CHL1: variants seen among roughly 807,000 people sequenced by gnomAD.
CHL1 encodes neural cell adhesion molecule L1-like protein.
A neutral mutation model predicts 141.9 loss-of-function variants in CHL1; 96 were observed. That is an observed-to-expected ratio of 0.68 (90% CI 0.57 to 0.80). The LOEUF is 0.80. Among genes scored for constraint, CHL1 ranks in the 30% least tolerant of loss-of-function variants. The pLI is 0.00. For synonymous variants in CHL1, 613 were observed against 502.2 expected (o/e 1.22, Z -2.95); for missense variants, 1,820 against 1,457.2 (o/e 1.25, Z -4.05).
At position 391,404 on chromosome 3, in the gene CHL1, T is replaced by C. The variant is rs201328502; in HGVS notation, c.2791+245T>C. ...AGTAGTGCATGCCTGTAGTCCCAGCTACTCGGGAGGCTGAGGCAGGAGAAT... is the reference window on the plus strand; with the variant it reads ...AGTAGTGCATGCCTGTAGTCCCAGCCACTCGGGAGGCTGAGGCAGGAGAAT... On this transcript the variant is annotated intron_variant, in intron 22 of 27. Transcript: ENST00000256509. 2.6e-5 allele frequency among the ~76,000 whole-genome samples: 4 copies of C among 152,258 alleles called. No homozygotes were observed. The East Asian group carries it at 7.7e-4, about 29-fold the overall frequency.
At chr3:399,215 G>C in intron 26 of CHL1, 67 bp downstream of exon 26, 1 of 1,378,872 alleles carries the variant, frequency 7.3e-7, no homozygotes, top group Middle Eastern at 1.8e-4. Context: ...ATTCTTCAGA[G>C]ACAACTTTTT....
chr3:263,794 G>A (rs192342887), intron 2 of CHL1, among the ~76,000 whole-genome samples: 1 of 152,316 alleles, frequency 6.6e-6, no homozygotes, highest in Non-Finnish European at 1.5e-5. Context: ...CCTAGGGAAT[G>A]TTGAAAGAAT....
intron 2 of CHL1, among the ~76,000 whole-genome samples, chr3:255,879 C>T (rs957537416): frequency 6.6e-6 from 1 of 152,132 alleles, no homozygotes; most frequent in South Asian, 2.1e-4. Context: ...TACCCATTGT[C>T]CTGTAAGACA....
At chr3:401,247 A>C (rs79673462) in intron 26 of CHL1, among the ~76,000 whole-genome samples, 4,967 of 152,282 alleles carry the variant, frequency 0.033, 99 homozygotes, top group African/African-American at 0.061. Context: ...CACAGATCTA[A>C]TAGGTGTCTA....
At chr3:390,359 TA>T (rs1050032070) in intron 20 of CHL1, among the ~76,000 whole-genome samples, 2 of 152,218 alleles carry the variant, frequency 1.3e-5, no homozygotes, top group Non-Finnish European at 2.9e-5. Flanking sequence ...CTGTTATTAA[TA>T]TTTGATTAAC....
intron 2 of CHL1, among the ~76,000 whole-genome samples, chr3:303,119 G>A (rs1248790067): frequency 6.6e-6 from 1 of 152,138 alleles, no homozygotes; most frequent in East Asian, 1.9e-4. Context: ...TTTGGTACCA[G>A]TACCATGCTG....
intron 11 of CHL1, 72 bp downstream of exon 11, chr3:354,843 G>C: frequency 1.3e-6 from 2 of 1,560,288 alleles, no homozygotes; most frequent in Non-Finnish European, 1.7e-6. Context: ...GGTCAGACGT[G>C]TGTAAAATGA....
intron 2 of CHL1, among the ~76,000 whole-genome samples, chr3:288,364 C>CAT (rs1697362485): frequency 6.6e-6 from 1 of 151,748 alleles, no homozygotes; most frequent in Non-Finnish European, 1.5e-5. Flanking sequence ...GCATAATTTA[C>CAT]ATATATGCAT....
rs189832524 is a variant in CHL1, at chr3:248,574, G to A, written c.-95+3882G>A. 4 of 152,108 alleles carry A rather than the reference G, an allele frequency of 2.6e-5. No homozygotes were observed. The East Asian group carries it at 7.7e-4, about 29-fold the overall frequency. 9.4% of individuals were successfully genotyped at this position (152,108 alleles called of 1,614,324 possible). A position where few individuals can be genotyped will look rare whatever the true frequency, so the allele number is the denominator to read the frequency against. On this transcript the variant is annotated intron_variant, in intron 2 of 27. Transcript: ENST00000256509. Reference sequence around the variant, plus strand: ...TCATGAGACTGTCACTGCAATCAAGGTAATAAATGTATTTATTACTTCCAA... The same window carrying A: ...TCATGAGACTGTCACTGCAATCAAGATAATAAATGTATTTATTACTTCCAA...
chr3:314,732 A>G (rs1048828197), intron 2 of CHL1, among the ~76,000 whole-genome samples: 1 of 152,076 alleles, frequency 6.6e-6, no homozygotes, highest in Admixed American at 6.6e-5. Flanking sequence ...AAAATAGCTG[A>G]GCAGAGTTTT....
rs577170679 is a variant in CHL1 at position 347,166 on chromosome 3, T to C, written c.849-2193T>C. 4.1e-4 allele frequency among the ~76,000 whole-genome samples: 63 copies of C among 152,290 alleles called. 2 individuals carry two copies. In the South Asian group the frequency reaches 0.013, roughly 32 times the overall value. On this transcript the variant is annotated intron_variant, in intron 9 of 27. Coordinates refer to ENST00000256509, the MANE Select transcript of CHL1 (RefSeq NM_006614.4). The stretch of plus-strand genomic sequence containing the variant: ...ACTCATGTGCACTGCTCAAATAGTT[T>C]TTTTTTCTGTTTTGTAAATTCGTGG...
intron 1 of CHL1, among the ~76,000 whole-genome samples, chr3:204,798 AT>A (rs1201894585): frequency 7.6e-4 from 12 of 15,804 alleles, no homozygotes; most frequent in East Asian, 0.045. Flanking sequence ...GAAGATTTCT[AT>A]TTTAAAAAAA....
intron 5 of CHL1, among the ~76,000 whole-genome samples, chr3:338,867 T>G (rs992513175): frequency 1.3e-5 from 2 of 152,234 alleles, no homozygotes; most frequent in African/African-American, 4.8e-5. Context: ...TGATAATGCT[T>G]CAGTGGCAGT....
At chr3:385,151 G>A (rs183902505) in intron 19 of CHL1, among the ~76,000 whole-genome samples, 1 of 152,264 alleles carries the variant, frequency 6.6e-6, no homozygotes, top group Admixed American at 6.5e-5. Flanking sequence ...GGGTGTATCT[G>A]TATTATCCTC....
At position 398,321 on chromosome 3, in the gene CHL1, A is replaced by G. The variant is rs762993119; in HGVS notation, c.3189A>G (p.Leu1063=). ...CGGGAGCTGAACATATAGTTCGCCT[A>G]ATGACTAAGAATTGGGGCGATAATG... ...FEPGAEHIVR[L]MTKNWGDNDS... The change falls in exon 25 of 28, where the codon CTA becomes CTG. Residue 1063 remains leucine, a synonymous_variant. Transcript: ENST00000256509. 4.4e-6 allele frequency: 7 copies of G among 1,608,114 alleles called. No individual in the cohort carries two copies. In the Admixed American group the frequency reaches 1.0e-4, roughly 23 times the overall value.
chr3:335,111 A>G (rs1478182583), intron 5 of CHL1, among the ~76,000 whole-genome samples: 1 of 152,184 alleles, frequency 6.6e-6, no homozygotes, highest in African/African-American at 2.4e-5. Flanking sequence ...TCCTCAGGAC[A>G]ATTTCCTTAA....
At chr3:319,960 T>C (rs1214949215) in intron 3 of CHL1, 93 bp downstream of exon 3, 3 of 692,336 alleles carry the variant, frequency 4.3e-6, no homozygotes, top group Non-Finnish European at 7.3e-6. Flanking sequence ...ATGTGACTTT[T>C]CTACCATATT....
At chr3:242,050 T>G (rs540156899) in intron 1 of CHL1, among the ~76,000 whole-genome samples, 19 of 152,234 alleles carry the variant, frequency 1.2e-4, no homozygotes, top group African/African-American at 4.6e-4. Context: ...AGTGTTTGAG[T>G]CTATCCCTCC....
intron 2 of CHL1, among the ~76,000 whole-genome samples, chr3:291,854 C>T (rs953620289): frequency 6.6e-6 from 1 of 152,194 alleles, no homozygotes; most frequent in Admixed American, 6.5e-5. Flanking sequence ...TAAAATCCTG[C>T]TGACTAGGCT....
Sources: gnomAD v4.1 joint callset for allele counts (sites outside exome capture counted in the v4.1 genomes callset) on GRCh38, gnomAD v4.1.1 for gene constraint, MANE v1.5 for transcripts, NCBI Gene and HGNC (gene_info 2026-07-23, HGNC 2026-07-21) for gene names.